Variants in RALGAPA1 observed in about 807,000 individuals in gnomAD.
The protein encoded by RALGAPA1 is ral GTPase-activating protein subunit alpha-1.
A neutral mutation model predicts 269.6 loss-of-function variants in RALGAPA1; 52 were observed. That is an observed-to-expected ratio of 0.19 (90% confidence interval 0.15 to 0.24). The LOEUF is 0.24. RALGAPA1 is among the 10% of genes least tolerant of loss of function. The pLI is 1.00. For synonymous variants in RALGAPA1, 817 were observed against 1,008.3 expected (o/e 0.81, Z 3.60); for missense variants, 1,917 against 3,013.9 (o/e 0.64, Z 8.52).
chr14:35,549,287 A>C, intron 39 of RALGAPA1, 53 bp from the exon 40 acceptor site: 6 of 1,569,218 alleles, frequency 3.8e-6, no homozygotes, highest in Non-Finnish European at 5.2e-6. Flanking sequence ...CTGGAAAAAA[A>C]ATCTTATCAA....
chr14:35,629,797 C>A (rs905263090), intron 33 of RALGAPA1, among the ~76,000 whole-genome samples: 2 of 152,118 alleles, frequency 1.3e-5, no homozygotes, highest in African/African-American at 4.8e-5. Flanking sequence ...CTGTGCTGAG[C>A]CAAATACAGA....
chr14:35,698,485 T>A (rs1166067302), intron 17 of RALGAPA1, among the ~76,000 whole-genome samples: 1 of 152,164 alleles, frequency 6.6e-6, no homozygotes, highest in Non-Finnish European at 1.5e-5. Flanking sequence ...ACAGTTTTTT[T>A]AAAACAGTAG....
At chr14:35,750,990 C>A (rs1013247777) in intron 8 of RALGAPA1, among the ~76,000 whole-genome samples, 3 of 152,148 alleles carry the variant, frequency 2.0e-5, no homozygotes, top group Non-Finnish European at 4.4e-5. Context: ...AGAGCTCACA[C>A]TTCAATTAAC....
At chr14:35,567,881 C>A (rs1383972082) in intron 39 of RALGAPA1, among the ~76,000 whole-genome samples, 1 of 152,128 alleles carries the variant, frequency 6.6e-6, no homozygotes, top group Non-Finnish European at 1.5e-5. Context: ...CAAGAAAGTA[C>A]AAACTCTTCC....
intron 16 of RALGAPA1, among the ~76,000 whole-genome samples, chr14:35,717,396 C>T (rs568433100): frequency 5.3e-5 from 8 of 152,254 alleles, no homozygotes; most frequent in Non-Finnish European, 7.3e-5. Context: ...GTGATCCGCC[C>T]GCCTCGGCCT....
chr14:35,545,348 T>C (rs2054361015), intron 41 of RALGAPA1, among the ~76,000 whole-genome samples: 1 of 151,964 alleles, frequency 6.6e-6, no homozygotes, highest in Non-Finnish European at 1.5e-5. Flanking sequence ...GAATATAGAT[T>C]TTGCAAATTA....
rs2066237081 is a variant in RALGAPA1, at chr14:35,689,047, G to C, written c.3364C>G (p.Leu1122Val). 8.1e-7 allele frequency: 1 copy of C among 1,236,192 alleles called. No homozygotes were observed. Among genetic ancestry groups the C allele is most frequent in the Admixed American group, 4.1e-5 (1 of 24,554 alleles). The allele number at this position is 1,236,192 out of a possible 1,614,324, so 76.6% of individuals were successfully genotyped here. Residue 1122 changes from leucine (L) to valine (V), a missense_variant, in exon 18 of 42, where the codon CTT (leucine) becomes GTT (valine). Leu to Val is a conservative substitution (Grantham distance 32). Around this residue, in one of 11 missense-constraint regions of RALGAPA1, gnomAD observed 615 missense variants for 790.0 expected, o/e 0.78. Coordinates refer to ENST00000680220, the MANE Select transcript of RALGAPA1 (RefSeq NM_001346249.2). ...GACAAGCTCCTTTTAGTTGGAGAAA[G>C]TTTGCTAGTACTTGTAACATGAGGC... ...RMPHVTSTSK[L>V]SPTKRSLSET...
chr14:35,575,072 G>T (rs2057458058), intron 37 of RALGAPA1, among the ~76,000 whole-genome samples: 1 of 150,464 alleles, frequency 6.6e-6, no homozygotes, highest in Non-Finnish European at 1.5e-5. Flanking sequence ...AAGTTGCAGA[G>T]ACCTGAGATC....
intron 21 of RALGAPA1, among the ~76,000 whole-genome samples, chr14:35,682,039 A>G (rs986189482): frequency 2.0e-5 from 3 of 152,132 alleles, no homozygotes; most frequent in Non-Finnish European, 2.9e-5. Flanking sequence ...AATATACTAC[A>G]ATTTATTTAT....
At chr14:35,797,080 C>T (rs1316315803) in intron 1 of RALGAPA1, among the ~76,000 whole-genome samples, 3 of 152,102 alleles carry the variant, frequency 2.0e-5, no homozygotes, top group African/African-American at 4.8e-5. Flanking sequence ...CAAAGCCAGG[C>T]GCAGTGGCTC....
intron 31 of RALGAPA1, among the ~76,000 whole-genome samples, chr14:35,641,202 C>A (rs2062005089): frequency 6.6e-6 from 1 of 152,080 alleles, no homozygotes. Flanking sequence ...GTGTCCACTT[C>A]CACCACTATC....
chr14:35,774,369 T>G (rs748183630), intron 3 of RALGAPA1, among the ~76,000 whole-genome samples: 1 of 152,158 alleles, frequency 6.6e-6, no homozygotes, highest in Non-Finnish European at 1.5e-5. Flanking sequence ...ATCTGTTTAC[T>G]TTGAAAGACA....
intron 1 of RALGAPA1, among the ~76,000 whole-genome samples, chr14:35,801,134 A>C (rs2076941463): frequency 6.6e-6 from 1 of 151,884 alleles, no homozygotes; most frequent in Non-Finnish European, 1.5e-5. Context: ...TAGAAGATCA[A>C]TAAAAGCGAT....
At position 35,772,022 on chromosome 14, in the gene RALGAPA1, G is replaced by A. The variant is rs573803405; in HGVS notation, c.268-1023C>T. Among the ~76,000 whole-genome samples, 346 of 152,170 alleles carry A rather than the reference G, an allele frequency of 2.3e-3. 3 individuals are homozygous for A. The highest frequency in any genetic ancestry group is 4.0e-3 in the Non-Finnish European group (274 of 68,006). ...CTGAGTTAATCATGTGAAACTAGAG[G>A]TACTTAGATGCTATGATGGATATAG... is the stretch of plus-strand genomic sequence containing the variant. On this transcript the variant is annotated intron_variant, in intron 3 of 41. Transcript: ENST00000680220.
chr14:35,733,812 A>C (rs551062750), intron 12 of RALGAPA1, among the ~76,000 whole-genome samples: 1 of 152,274 alleles, frequency 6.6e-6, no homozygotes, highest in Admixed American at 6.5e-5. Flanking sequence ...TAAAATTGAT[A>C]GACCCTTAGA....
chr14:35,729,548 C>G (rs2070276686), intron 12 of RALGAPA1, among the ~76,000 whole-genome samples: 1 of 152,004 alleles, frequency 6.6e-6, no homozygotes, highest in Admixed American at 6.6e-5. Context: ...TAAGTATCAG[C>G]AAACTGAAAA....
At chr14:35,746,976 G>A (rs1490499559) in intron 10 of RALGAPA1, among the ~76,000 whole-genome samples, 1 of 151,686 alleles carries the variant, frequency 6.6e-6, no homozygotes, top group Non-Finnish European at 1.5e-5. Flanking sequence ...TCTCTGGCAA[G>A]AATCATCATT....
chr14:35,659,884 G>A (rs2063424989), intron 27 of RALGAPA1, among the ~76,000 whole-genome samples: 1 of 151,928 alleles, frequency 6.6e-6, no homozygotes, highest in East Asian at 1.9e-4. Flanking sequence ...AATCTTAATA[G>A]GTGAAGAAAA....
chr14:35,681,642 G>C (rs569787487), intron 21 of RALGAPA1, among the ~76,000 whole-genome samples: 2 of 152,104 alleles, frequency 1.3e-5, no homozygotes, highest in African/African-American at 4.8e-5. Context: ...TTGTTTTACA[G>C]AACATAAAGC....
Sources: gnomAD v4.1 joint callset for allele counts (sites outside exome capture counted in the v4.1 genomes callset) on GRCh38, gnomAD v4.1.1 for gene constraint, gnomAD v4.1.1 regional missense constraint, MANE v1.5 for transcripts, NCBI Gene and HGNC (gene_info 2026-07-23, HGNC 2026-07-21) for gene names.